The following SYTL5 variants were observed in gnomAD, a reference collection of about 807,000 sequenced individuals.
SYTL5 encodes the protein synaptotagmin like 5, also known as synaptotagmin-like protein 5.
A neutral mutation model predicts 55.9 loss-of-function variants in SYTL5; 34 were observed. The observed-to-expected ratio is 0.61, with a 90% confidence interval of 0.46 to 0.81. SYTL5 has a LOEUF of 0.81. Ranked by LOEUF, SYTL5 falls within the 30% of genes least tolerant of loss-of-function variation. The pLI, the probability that SYTL5 is intolerant of heterozygous loss-of-function variation, is 0.00. For missense variants in SYTL5, 637 were observed against 546.7 expected (o/e 1.17, Z -1.65); for synonymous variants, 221 against 188.7 (o/e 1.17, Z -1.40).
chrX:38,125,592 G>A (rs978802239), intron 16 of SYTL5, 86 bp downstream of exon 16: 34 of 670,562 alleles, frequency 5.1e-5, no homozygotes, highest in Non-Finnish European at 7.3e-5. Flanking sequence ...TGCAGTGGAT[G>A]TATATATATA....
chrX:38,096,266 G>T, intron 9 of SYTL5, 32 bp downstream of exon 9: 2 of 923,582 alleles, frequency 2.2e-6, no homozygotes, highest in Non-Finnish European at 3.1e-6. Flanking sequence ...ATATAATGAA[G>T]AGGAGGAAAT....
At chrX:37,895,449 C>CTTCT in the SYTL5 span, among the ~76,000 whole-genome samples, 789 of 92,322 alleles carry the variant, frequency 8.5e-3, 12 homozygotes, top group African/African-American at 0.034. Context: ...TCCTTCCTTC[C>CTTCT]TTCCTTCCCT....
At chrX:38,015,184 T>A (rs961372459) in intron 1 of SYTL5, among the ~76,000 whole-genome samples, 1 of 112,548 alleles carries the variant, frequency 8.9e-6, no homozygotes, top group African/African-American at 3.2e-5. Context: ...AGTATAATAA[T>A]GGAGCAGGAA....
chrX:38,094,197 C>A, intron 7 of SYTL5, 98 bp from the exon 8 acceptor site: 1 of 741,904 alleles, frequency 1.3e-6, no homozygotes, highest in Non-Finnish European at 1.9e-6. Context: ...AATAATAATA[C>A]ATATAAAGGT....
At chrX:38,018,387 GATTCCCA>G (rs1934430256) in intron 1 of SYTL5, among the ~76,000 whole-genome samples, 1 of 111,278 alleles carries the variant, frequency 9.0e-6, no homozygotes, top group Admixed American at 9.5e-5. Flanking sequence ...AGGCACCAAT[GATTCCCA>G]ATTAAATACC....
At chrX:37,994,976 G>A in the SYTL5 span, among the ~76,000 whole-genome samples, 2 of 111,488 alleles carry the variant, frequency 1.8e-5, no homozygotes, top group Non-Finnish European at 3.8e-5. Context: ...TCAAGGAGAA[G>A]CTATCCCCAG....
At chrX:38,000,524 C>T in the SYTL5 span, among the ~76,000 whole-genome samples, 5 of 112,014 alleles carry the variant, frequency 4.5e-5, no homozygotes, top group Non-Finnish European at 9.4e-5. Context: ...GCTCTGACCC[C>T]ATGGCGGTAT....
chrX:37,978,681 A>G, the SYTL5 span, among the ~76,000 whole-genome samples: 4 of 112,310 alleles, frequency 3.6e-5, no homozygotes, highest in Non-Finnish European at 5.6e-5. Context: ...ATGACCTTCC[A>G]TGAAGAAGTG....
At chrX:38,026,336 C>T (rs1934774968) in intron 1 of SYTL5, among the ~76,000 whole-genome samples, 2 of 111,289 alleles carry the variant, frequency 1.8e-5, no homozygotes, top group African/African-American at 6.5e-5. Flanking sequence ...TAGTTCAGTG[C>T]TGCCTTCTGG....
intron 2 of SYTL5, among the ~76,000 whole-genome samples, chrX:38,052,486 T>C (rs1416161865): frequency 8.9e-6 from 1 of 112,030 alleles, no homozygotes; most frequent in Non-Finnish European, 1.9e-5. Context: ...GTTTGAAAAT[T>C]CTCTTTTTAT....
the SYTL5 span, among the ~76,000 whole-genome samples, chrX:37,944,679 T>A: frequency 8.9e-6 from 1 of 111,884 alleles, no homozygotes; most frequent in Non-Finnish European, 1.9e-5. Context: ...TGAGTAGGAG[T>A]AGGTAGAATA....
chrX:38,033,112 A>G (rs1257680662), intron 1 of SYTL5, among the ~76,000 whole-genome samples: 1 of 111,561 alleles, frequency 9.0e-6, no homozygotes, highest in Non-Finnish European at 1.9e-5. Context: ...TCTCAACAGC[A>G]GGGCTTTTTA....
chrX:37,950,057 A>G, the SYTL5 span, among the ~76,000 whole-genome samples: 1 of 111,633 alleles, frequency 9.0e-6, no homozygotes. Context: ...CCTTTTCCGT[A>G]TTTTATGAAG....
At chrX:38,025,371 C>T (rs946719000) in intron 1 of SYTL5, among the ~76,000 whole-genome samples, 1 of 111,865 alleles carries the variant, frequency 8.9e-6, no homozygotes, top group Non-Finnish European at 1.9e-5. Context: ...AAATATCGGC[C>T]CCTATTATTT....
chrX:37,920,810 A>G, the SYTL5 span, among the ~76,000 whole-genome samples: 1 of 111,499 alleles, frequency 9.0e-6, no homozygotes, highest in Non-Finnish European at 1.9e-5. Flanking sequence ...ATAAATACTC[A>G]GTTGATGGAA....
At chrX:37,995,191 A>G in the SYTL5 span, among the ~76,000 whole-genome samples, 1 of 110,159 alleles carries the variant, frequency 9.1e-6, no homozygotes, top group Non-Finnish European at 1.9e-5. Flanking sequence ...AGGCTTGTTG[A>G]ATTCCCAGCC....
At chrX:38,063,950 T>C (rs888640630) in intron 3 of SYTL5, among the ~76,000 whole-genome samples, 5 of 111,340 alleles carry the variant, frequency 4.5e-5, no homozygotes, top group Non-Finnish European at 7.5e-5. Flanking sequence ...AGGTAGTAAC[T>C]AGCATTAAAA....
intron 1 of SYTL5, among the ~76,000 whole-genome samples, chrX:38,029,564 A>G (rs774821643): frequency 3.6e-5 from 4 of 111,578 alleles, no homozygotes; most frequent in Admixed American, 9.6e-5. Context: ...CTAACATCAC[A>G]TGTCCCCAGG....
chrX:38,087,685 T>C (rs886251409), intron 6 of SYTL5, among the ~76,000 whole-genome samples: 2 of 111,998 alleles, frequency 1.8e-5, no homozygotes, highest in Non-Finnish European at 3.8e-5. Context: ...AAGAAACTAA[T>C]TCCTAGCTCT....
Sources: gnomAD v4.1 joint callset for allele counts (sites outside exome capture counted in the v4.1 genomes callset) on GRCh38, gnomAD v4.1.1 for gene constraint, MANE v1.5 for transcripts, NCBI Gene and HGNC (gene_info 2026-07-23, HGNC 2026-07-21) for gene names.